Variants in UHMK1 observed in about 807,000 individuals in gnomAD.
The protein encoded by UHMK1 is serine/threonine-protein kinase Kist.
A neutral mutation model predicts 44.0 loss-of-function variants in UHMK1; 18 were observed. That is an observed-to-expected ratio of 0.41 (90% CI 0.28 to 0.61). The LOEUF (loss-of-function observed/expected upper bound fraction) is 0.61. Ranked by LOEUF, UHMK1 falls within the 20% of genes least tolerant of loss-of-function variation. UHMK1 has a pLI of 0.31. For missense variants in UHMK1, 463 were observed against 522.5 expected, an observed-to-expected ratio of 0.89 and a Z score of 1.11; for synonymous variants, 231 against 198.5, an observed-to-expected ratio of 1.16 and a Z score of -1.38.
chr1:162,503,305 C>T (rs10919551), intron 3 of UHMK1, among the ~76,000 whole-genome samples: 69,286 of 151,704 alleles, frequency 0.46, 15,847 homozygotes, highest in East Asian at 0.48. Context: ...TATATTATTT[C>T]CTCTGTTAAG....
At chr1:162,500,634 T>C in intron 2 of UHMK1, 1 of 430,630 alleles carries the variant, frequency 2.3e-6, no homozygotes, top group Non-Finnish European at 4.1e-6. Flanking sequence ...CTCCATGGTT[T>C]ATCATTTCTT....
intron 7 of UHMK1, among the ~76,000 whole-genome samples, chr1:162,521,943 T>G (rs149245304): frequency 1.3e-5 from 2 of 152,198 alleles, no homozygotes; most frequent in African/African-American, 4.8e-5. Flanking sequence ...TACTTCCTAA[T>G]AGGTGCAATT....
At chr1:162,515,003 T>C (rs1200398593) in intron 6 of UHMK1, among the ~76,000 whole-genome samples, 2 of 152,214 alleles carry the variant, frequency 1.3e-5, no homozygotes, top group Admixed American at 6.5e-5. Flanking sequence ...ATTATTTTAT[T>C]TACTTTCAGG....
In UHMK1 at chr1:162,522,973, A is replaced by G. The variant is rs1652114795; in HGVS notation, c.*423A>G. The G allele has an allele frequency of 6.2e-6, 1 of 161,662 alleles. No individual in the cohort carries two copies. Among genetic ancestry groups the G allele is most frequent in the Admixed American group, 5.7e-5 (1 of 17,446 alleles). The allele number at this position is 161,662 out of a possible 1,614,324, so 10.0% of individuals were successfully genotyped here. A position where few individuals can be genotyped will look rare whatever the true frequency, so the allele number is the denominator to read the frequency against. ...GTCCAGTGGTTCTTCCTTATTGTTG[A>G]TATCCATAAGCTGGCACTGGATGCT... On this transcript the variant is annotated 3_prime_UTR_variant, in exon 8 of 8. Coordinates refer to ENST00000489294, the MANE Select transcript of UHMK1 (RefSeq NM_175866.5).
intron 7 of UHMK1, among the ~76,000 whole-genome samples, chr1:162,519,241 TG>T (rs1651956520): frequency 1.3e-5 from 2 of 150,020 alleles, no homozygotes; most frequent in Admixed American, 1.3e-4. Flanking sequence ...TGCTTGAACT[TG>T]GGAGGCTGAG....
chr1:162,503,673 A>G (rs1424001902), intron 3 of UHMK1, 81 bp from the exon 4 acceptor site: 1 of 872,170 alleles, frequency 1.1e-6, no homozygotes, highest in Non-Finnish European at 1.8e-6. Flanking sequence ...GTTGCATTTT[A>G]CTCTCAAATA....
intron 1 of UHMK1, among the ~76,000 whole-genome samples, chr1:162,499,085 G>A (rs888447583): frequency 6.6e-6 from 1 of 152,078 alleles, no homozygotes; most frequent in Non-Finnish European, 1.5e-5. Flanking sequence ...GCAAGCCTAG[G>A]GACTTGCCTG....
Position 162,526,257 on chromosome 1 carries a change from GTA to G in UHMK1, c.*3710_*3711del, listed in dbSNP as rs1652247380. ...ATCTTACACATAAGTTCTACTATCA[GTA>G]TACTTGGCAGCATGACTTTTTTTTT... On this transcript the variant is annotated 3_prime_UTR_variant, in exon 8 of 8. Coordinates refer to ENST00000489294, the MANE Select transcript of UHMK1 (RefSeq NM_175866.5). 6.8e-6 allele frequency: 1 copy of G among 147,604 alleles called. No homozygotes were observed. Among genetic ancestry groups the G allele is most frequent in the African/African-American group, 2.5e-5 (1 of 39,650 alleles). The allele number at this position is 147,604 out of a possible 1,614,324, so 9.1% of individuals were successfully genotyped here.
intron 4 of UHMK1, among the ~76,000 whole-genome samples, chr1:162,509,064 C>T (rs1470503169): frequency 1.3e-5 from 2 of 152,128 alleles, no homozygotes; most frequent in Non-Finnish European, 2.9e-5. Context: ...GGATTACAGG[C>T]GTGAGCCACC....
intron 4 of UHMK1, among the ~76,000 whole-genome samples, chr1:162,505,442 GC>G (rs1651433069): frequency 4.6e-5 from 7 of 152,270 alleles, no homozygotes; most frequent in African/African-American, 1.4e-4. Flanking sequence ...AAATACATAA[GC>G]CAGTAACACA....
At chr1:162,516,066 C>G (rs1036733369) in intron 6 of UHMK1, among the ~76,000 whole-genome samples, 5 of 152,052 alleles carry the variant, frequency 3.3e-5, no homozygotes, top group Middle Eastern at 3.2e-3. Context: ...GAAGCTTGGC[C>G]TGTTTTTGAA....
chr1:162,509,833 C>T (rs188238363), intron 4 of UHMK1, among the ~76,000 whole-genome samples: 14 of 152,014 alleles, frequency 9.2e-5, no homozygotes, highest in African/African-American at 2.2e-4. Flanking sequence ...TTAGTAGAGA[C>T]GGGATTTCAC....
At chr1:162,519,659 T>A (rs1651984183) in intron 7 of UHMK1, among the ~76,000 whole-genome samples, 2 of 152,222 alleles carry the variant, frequency 1.3e-5, no homozygotes, top group African/African-American at 4.8e-5. Context: ...AAGATATTTA[T>A]TTGTAGTATT....
chr1:162,521,617 C>A (rs1652062278), intron 7 of UHMK1, among the ~76,000 whole-genome samples: 1 of 152,046 alleles, frequency 6.6e-6, no homozygotes, highest in South Asian at 2.1e-4. Flanking sequence ...GCTATCACGC[C>A]CAGTTAGATT....
intron 4 of UHMK1, among the ~76,000 whole-genome samples, chr1:162,507,825 A>T (rs1651532390): frequency 6.6e-6 from 1 of 151,862 alleles, no homozygotes; most frequent in Admixed American, 6.6e-5. Context: ...TGAACTCGTG[A>T]TCCGCCTGCT....
rs1652275219 is a variant in UHMK1 at position 162,527,051 on chromosome 1, C to T, written c.*4501C>T. 1 of 152,010 alleles carries T rather than the reference C, an allele frequency of 6.6e-6. No homozygotes were observed. Among genetic ancestry groups the T allele is most frequent in the African/African-American group, 2.4e-5 (1 of 41,416 alleles). 9.4% of individuals were successfully genotyped at this position (152,010 alleles called of 1,614,324 possible). A position where few individuals can be genotyped will look rare whatever the true frequency, so the allele number is the denominator to read the frequency against. ...TTCTTGATGAATATAAAAATGTTGTCTCCATCATACAGAGCTGAGCCTCTT... is the reference window on the plus strand; with the variant it reads ...TTCTTGATGAATATAAAAATGTTGTTTCCATCATACAGAGCTGAGCCTCTT... On this transcript the variant is annotated 3_prime_UTR_variant, in exon 8 of 8. Transcript: ENST00000489294.
At chr1:162,519,114 T>G (rs1651952557) in intron 7 of UHMK1, among the ~76,000 whole-genome samples, 1 of 151,888 alleles carries the variant, frequency 6.6e-6, no homozygotes. Context: ...GTCAGGAGTT[T>G]GAGACCAGCC....
chr1:162,518,564 C>T (rs1651926335), intron 7 of UHMK1, among the ~76,000 whole-genome samples: 1 of 152,002 alleles, frequency 6.6e-6, no homozygotes, highest in African/African-American at 2.4e-5. Context: ...TGCCTGTAAT[C>T]CCAGCTCCTT....
chr1:162,512,384 A>G, intron 4 of UHMK1, 116 bp from the exon 5 acceptor site: 1 of 813,136 alleles, frequency 1.2e-6, no homozygotes, highest in South Asian at 1.8e-5. Context: ...TGATTCAATA[A>G]ATCATGCTAA....
Sources: allele counts gnomAD v4.1 joint callset (sites outside exome capture counted in the v4.1 genomes callset), GRCh38; gene constraint gnomAD v4.1.1; transcripts MANE v1.5; gene names NCBI Gene and HGNC (gene_info 2026-07-23, HGNC 2026-07-21).